DAB1: variants seen among roughly 807,000 people sequenced by gnomAD.
The protein encoded by DAB1 is DAB adaptor protein 1, also known as disabled homolog 1.
DAB1 carries 15 observed loss-of-function variants against 64.6 expected under a neutral mutation model. That is an observed-to-expected ratio of 0.23 (90% confidence interval 0.16 to 0.36). The LOEUF is 0.36. DAB1 is among the 10% of genes least tolerant of loss of function. DAB1 has a pLI of 1.00. For missense variants in DAB1, 596 were observed against 706.7 expected (o/e 0.84, Z 1.78); for synonymous variants, 235 against 251.9 (o/e 0.93, Z 0.64).
chr1:57,862,376 A>G lies in DAB1; in HGVS notation n.87+21623T>C, dbSNP rs928025823. ...TCATGTGCTTGGCTATGAAGTATTT[A>G]AAGTTAGAGCTTTTCTCATCATTGA... On this transcript the variant is annotated intron_variant and non_coding_transcript_variant, in intron 1 of 1. Transcript: ENST00000477280. 1.3e-5 allele frequency: 2 copies of G among 152,190 alleles called. 1 individual carries two copies. Among genetic ancestry groups the G allele is most frequent in the South Asian group, 4.1e-4 (2 of 4,830 alleles). The allele number at this position is 152,190 out of a possible 1,614,324, so 9.4% of individuals were successfully genotyped here.
chr1:57,869,808 G>A (rs761093194), intron 1 of DAB1, among the ~76,000 whole-genome samples: 19 of 152,112 alleles, frequency 1.2e-4, no homozygotes, highest in Non-Finnish European at 2.4e-4. Context: ...GTGCTGCAAA[G>A]AGAAATGCTC....
At chr1:57,172,980 T>C (rs1661938540) in intron 2 of DAB1, among the ~76,000 whole-genome samples, 1 of 152,154 alleles carries the variant, frequency 6.6e-6, no homozygotes, top group South Asian at 2.1e-4. Flanking sequence ...ATCAAGGCCA[T>C]AGTAAAATGC....
At chr1:58,469,068 G>T in intron 3 of DAB1, 1 of 224,438 alleles carries the variant, frequency 4.5e-6, no homozygotes, top group Non-Finnish European at 7.5e-6. Context: ...TTAAAGCTGG[G>T]TCCTAAGGGA....
intron 7 of DAB1, among the ~76,000 whole-genome samples, chr1:57,487,482 C>T (rs969751543): frequency 5.9e-5 from 9 of 152,232 alleles, no homozygotes; most frequent in African/African-American, 9.6e-5. Context: ...CCCTCTGTTT[C>T]AGGGTGAAGA....
chr1:57,212,171 A>C (rs1666061577), intron 2 of DAB1, among the ~76,000 whole-genome samples: 1 of 152,072 alleles, frequency 6.6e-6, no homozygotes, highest in Non-Finnish European at 1.5e-5. Flanking sequence ...GTATCTGGCC[A>C]TGAAGTCACA....
chr1:57,419,649 A>G (rs1454217554), intron 1 of DAB1, among the ~76,000 whole-genome samples: 2 of 152,248 alleles, frequency 1.3e-5, no homozygotes, highest in Admixed American at 1.3e-4. Context: ...TTGAAAGATA[A>G]CACTAATAGC....
chr1:57,820,820 T>C (rs1652083357), intron 6 of DAB1, among the ~76,000 whole-genome samples: 1 of 152,194 alleles, frequency 6.6e-6, no homozygotes, highest in Admixed American at 6.5e-5. Context: ...AAAAAGAGTA[T>C]TAAGTAATAT....
intron 2 of DAB1, among the ~76,000 whole-genome samples, chr1:57,243,559 C>A (rs1570027525): frequency 6.6e-6 from 1 of 152,266 alleles, no homozygotes; most frequent in East Asian, 1.9e-4. Flanking sequence ...GACTCCCTAC[C>A]CTCTTGTTCA....
chr1:58,118,469 CATATATATATATATATATATATATAT>C (rs370100684), intron 5 of DAB1, among the ~76,000 whole-genome samples: 1 of 22,050 alleles, frequency 4.5e-5, no homozygotes, highest in Non-Finnish European at 7.2e-5. Context: ...TATCCTAAGG[CATATATATATATATATATATATATAT>C]ATATATATAC....
chr1:57,972,609 C>T (rs1458759880), intron 5 of DAB1, among the ~76,000 whole-genome samples: 2 of 152,160 alleles, frequency 1.3e-5, no homozygotes, highest in African/African-American at 2.4e-5. Flanking sequence ...GAAATACTTT[C>T]AAAGGGTATA....
At chr1:58,437,713 G>T (rs1644960499) in intron 3 of DAB1, among the ~76,000 whole-genome samples, 1 of 152,216 alleles carries the variant, frequency 6.6e-6, no homozygotes. Flanking sequence ...GTATTTGTGG[G>T]GGATATAGCA....
intron 5 of DAB1, among the ~76,000 whole-genome samples, chr1:57,977,851 T>C (rs1297482998): frequency 6.6e-6 from 1 of 151,954 alleles, no homozygotes; most frequent in Non-Finnish European, 1.5e-5. Context: ...GGAAAACAAC[T>C]TACAAGGAAT....
At chr1:57,183,088 G>A (rs926772020) in intron 2 of DAB1, among the ~76,000 whole-genome samples, 3 of 152,046 alleles carry the variant, frequency 2.0e-5, no homozygotes, top group East Asian at 1.9e-4. Context: ...AGCACTGGGG[G>A]TATTTAACCT....
intron 7 of DAB1, among the ~76,000 whole-genome samples, chr1:57,453,046 G>A (rs995559825): frequency 4.6e-5 from 7 of 152,006 alleles, no homozygotes; most frequent in Non-Finnish European, 8.8e-5. Flanking sequence ...TATTGTAGAA[G>A]TAAACTGGTA....
chr1:57,998,008 C>G (rs1197319913), intron 5 of DAB1, among the ~76,000 whole-genome samples: 2 of 152,066 alleles, frequency 1.3e-5, no homozygotes, highest in Non-Finnish European at 2.9e-5. Context: ...CTCTATTCTG[C>G]CTGTCTTCTA....
intron 6 of DAB1, among the ~76,000 whole-genome samples, chr1:57,688,769 A>C (rs1646729946): frequency 6.6e-6 from 1 of 152,204 alleles, no homozygotes; most frequent in South Asian, 2.1e-4. Flanking sequence ...TTGCAGCAAC[A>C]TAGATGCAGC....
At chr1:58,006,723 A>C (rs1646589217) in intron 5 of DAB1, among the ~76,000 whole-genome samples, 1 of 152,186 alleles carries the variant, frequency 6.6e-6, no homozygotes, top group African/African-American at 2.4e-5. Context: ...CTGAACCTGC[A>C]AGAAGGATAC....
intron 7 of DAB1, among the ~76,000 whole-genome samples, chr1:57,442,466 T>C (rs1319502624): frequency 1.3e-5 from 2 of 152,140 alleles, no homozygotes; most frequent in African/African-American, 2.4e-5. Context: ...CTTCCTAAAA[T>C]AGTGACCTTG....
At chr1:58,545,273 A>C (rs1646682639) in intron 1 of DAB1, among the ~76,000 whole-genome samples, 3 of 152,214 alleles carry the variant, frequency 2.0e-5, no homozygotes, top group Admixed American at 2.0e-4. Context: ...TGACTTGTGT[A>C]AAAATTTTAA....
Sources: allele counts gnomAD v4.1 joint callset (sites outside exome capture counted in the v4.1 genomes callset), GRCh38; gene constraint gnomAD v4.1.1; transcripts MANE v1.5; gene names NCBI Gene and HGNC (gene_info 2026-07-23, HGNC 2026-07-21).